The following AKR7A2 variants were observed in gnomAD, a reference collection of about 807,000 sequenced individuals.
AKR7A2 encodes the protein aldo-keto reductase family 7 member A2, also known as aflatoxin B1 aldehyde reductase member 2.
In AKR7A2, 29 loss-of-function variants were observed where a neutral mutation model predicts 37.3. The observed-to-expected ratio is 0.78, with a 90% CI of 0.58 to 1.06. The LOEUF (loss-of-function observed/expected upper bound fraction) is 1.06, where lower values mean the gene tolerates loss of function less well. Among genes scored for constraint, AKR7A2 ranks in the 50% least tolerant of loss-of-function variants. AKR7A2 has a pLI of 0.00. For missense variants in AKR7A2, 529 were observed against 497.9 expected (o/e 1.06, Z -0.59); for synonymous variants, 228 against 217.8 (o/e 1.05, Z -0.41).
In AKR7A2 at chr1:19,308,604, A is replaced by AT. The variant is rs2093766799; in HGVS notation, c.336dup (p.Ser113IlefsTer5). ...GACCGGACACTGTCAGGCTTTAGTG[A>AT]TTTTCCATCCCAAGGGTTGGCCTTG... is the stretch of plus-strand genomic sequence containing the variant. On this transcript the variant is annotated frameshift_variant, in exon 2 of 7. Transcript: ENST00000235835. LOFTEE classifies it high-confidence loss of function. The AT allele has an allele frequency of 6.2e-7, 1 of 1,613,948 alleles. No homozygotes were observed. Among genetic ancestry groups the AT allele is most frequent in the African/African-American group, 1.3e-5 (1 of 74,868 alleles).
intron 1 of AKR7A2, 61 bp from the exon 2 acceptor site, chr1:19,308,703 C>G: frequency 1.3e-6 from 2 of 1,512,262 alleles, no homozygotes; most frequent in South Asian, 2.3e-5. Context: ...CCATGTAACC[C>G]TGGCTAAATT....
Position 19,306,978 on chromosome 1 carries a change from TCACCAAGCC to T in AKR7A2, c.788+15_788+23del. ...AGATTTGACCCCACCCCAGCCATCC[TCACCAAGCC>T]CACCCCCGGCTCACCGATTCCTGTA... On this transcript the variant is annotated intron_variant, in intron 5 of 6. Transcript: ENST00000235835. The T allele has an allele frequency of 6.2e-7, 1 of 1,603,710 alleles. No individual in the cohort carries two copies. The highest frequency in any genetic ancestry group is 8.5e-7 in the Non-Finnish European group (1 of 1,171,072).
At position 19,304,317 on chromosome 1, in the gene AKR7A2, T is replaced by C. The variant is rs909977134; in HGVS notation, c.988A>G (p.Thr330Ala). The C allele has an allele frequency of 2.5e-6, 4 of 1,614,132 alleles. No homozygotes were observed. Among genetic ancestry groups the C allele is most frequent in the Admixed American group, 1.7e-5 (1 of 60,012 alleles). ...LEQLEQNLAATEEGPLEPAVV... is the reference protein window; with the variant it reads ...LEQLEQNLAAAEEGPLEPAVV... ...GCCGGCTCCAGGGGCCCTTCCTCTG[T>C]TGCTGCCAAGTTCTGCTCCAGCTGC... is the stretch of plus-strand genomic sequence containing the variant. Residue 330 changes from threonine to alanine, a missense_variant, in exon 7 of 7, where the codon ACA becomes GCA. By Grantham distance (58) the Thr-to-Ala change is moderately conservative. Transcript: ENST00000235835.
chr1:19,306,340 G>A (rs1454573088), intron 5 of AKR7A2, among the ~76,000 whole-genome samples, 193 bp from the exon 6 acceptor site: 1 of 152,180 alleles, frequency 6.6e-6, no homozygotes, highest in Non-Finnish European at 1.5e-5. Flanking sequence ...CCTCAGCAGA[G>A]ACCTCAATGG....
At chr1:19,307,549 A>C (rs777013594) in intron 3 of AKR7A2, 139 bp from the exon 4 acceptor site, 16 of 943,526 alleles carry the variant, frequency 1.7e-5, no homozygotes, top group Non-Finnish European at 2.5e-5. Context: ...TAGGGGATGG[A>C]GGGAAGGTGT....
intron 3 of AKR7A2, chr1:19,307,622 C>G (rs2093764130): frequency 1.6e-6 from 1 of 626,468 alleles, no homozygotes; most frequent in African/African-American, 1.8e-5. Flanking sequence ...GCTGTATGAA[C>G]TCCATGCTGG....
chr1:19,304,245 A>G lies in AKR7A2; in HGVS notation c.1060T>C (p.Cys354Arg). 2 of 1,614,164 alleles carry G rather than the reference A, an allele frequency of 1.2e-6. No individual in the cohort carries two copies. The highest frequency in any genetic ancestry group is 1.1e-5 in the South Asian group (1 of 91,084). ...NQAWHLVAHE[C>R]PNYFR ...TGGGCCTAGCGGAAGTAGTTGGGAC[A>G]TTCGTGAGCAACCAAATGCCAGGCT... The change falls in exon 7 of 7, where the codon TGT (cysteine) becomes CGT (arginine). Residue 354 changes from cysteine (C) to arginine (R), a missense_variant. By Grantham distance (180) the Cys-to-Arg change is radical. Coordinates refer to ENST00000235835, the MANE Select transcript of AKR7A2 (RefSeq NM_003689.4).
At chr1:19,305,912 G>T in intron 6 of AKR7A2, 106 bp downstream of exon 6, 1 of 1,590,340 alleles carries the variant, frequency 6.3e-7, no homozygotes, top group Non-Finnish European at 8.6e-7. Context: ...TTGGAAGAAA[G>T]AAAAATTTCA....
Position 19,308,517 on chromosome 1 carries a change from C to T in AKR7A2, c.424G>A (p.Ala142Thr), listed in dbSNP as rs1043657. ...CPQVDLFYLHAPDHGTPVEET... is the reference protein window; with the variant it reads ...CPQVDLFYLHTPDHGTPVEET... ...TCCACCGGGGTGCCGTGGTCAGGTG[C>T]GTGTAGGTAGAAGAGGTCCACTTGG... The change falls in exon 2 of 7, where the codon GCA (alanine) becomes ACA (threonine). Residue 142 changes from alanine (A) to threonine (T), a missense_variant. By Grantham distance (58) the Ala-to-Thr change is moderately conservative (BLOSUM62 0). Transcript: ENST00000235835. 126,145 of 1,614,088 alleles carry T rather than the reference C, an allele frequency of 0.078. 5,608 individuals are homozygous for T. Among genetic ancestry groups the T allele is most frequent in the Middle Eastern group, 0.1 (603 of 6,060 alleles).
At chr1:19,309,547 G>A (rs11808495) in intron 1 of AKR7A2, among the ~76,000 whole-genome samples, 28,225 of 152,112 alleles carry the variant, frequency 0.19, 2,793 homozygotes, top group Middle Eastern at 0.3. Context: ...GGGACACATC[G>A]CTATGACAAC....
chr1:19,310,524 C>A (rs1342065379), intron 1 of AKR7A2, among the ~76,000 whole-genome samples: 1 of 152,000 alleles, frequency 6.6e-6, no homozygotes, highest in Non-Finnish European at 1.5e-5. Context: ...ATGGTGAAAC[C>A]CCATCTCTAC....
At chr1:19,306,365 G>A (rs571320858) in intron 5 of AKR7A2, among the ~76,000 whole-genome samples, 1 of 152,302 alleles carries the variant, frequency 6.6e-6, no homozygotes, top group Admixed American at 6.5e-5. Flanking sequence ...TTACTCCTGA[G>A]GACTCAGTAG....
At position 19,306,095 on chromosome 1, in the gene AKR7A2, G is replaced by T; in HGVS notation, c.841C>A (p.Gln281Lys). The T allele has an allele frequency of 6.2e-7, 1 of 1,614,220 alleles. No homozygotes were observed. Among genetic ancestry groups the T allele is most frequent in the Non-Finnish European group, 8.5e-7 (1 of 1,180,010 alleles). ...EAIALVEKAL[Q>K]AAYGASAPSV... ...GGGGCGCTGGCGCCATATGCGGCCT[G>T]CAGGGCCTTCTCCACCAACGCAATG... Residue 281 changes from glutamine (Q) to lysine (K), a missense_variant, in exon 6 of 7, where the codon CAG becomes AAG. Coordinates refer to ENST00000235835, the MANE Select transcript of AKR7A2 (RefSeq NM_003689.4).
At chr1:19,307,263 C>T in intron 4 of AKR7A2, 51 bp downstream of exon 4, 1 of 1,610,814 alleles carries the variant, frequency 6.2e-7, no homozygotes, top group Non-Finnish European at 8.5e-7. Context: ...CTGGGCTGGG[C>T]ATCTGTGGGT....
In AKR7A2 at chr1:19,306,100, G is replaced by C. The variant is rs752144770; in HGVS notation, c.836C>G (p.Ala279Gly). ...GCTGGCGCCATATGCGGCCTGCAGG[G>C]CCTTCTCCACCAACGCAATGGCCTC... is the stretch of plus-strand genomic sequence containing the variant. ...HFEAIALVEK[A>G]LQAAYGASAP... is the part of the protein sequence containing the mutation. The change falls in exon 6 of 7, where the codon GCC (alanine) becomes GGC (glycine). Residue 279 changes from alanine to glycine, a missense_variant. Physicochemically the swap from Ala to Gly is moderately conservative, Grantham distance 60 (BLOSUM62 0). Coordinates refer to ENST00000235835, the MANE Select transcript of AKR7A2 (RefSeq NM_003689.4). The C allele has an allele frequency of 6.2e-7, 1 of 1,614,208 alleles. No individual in the cohort carries two copies. Among genetic ancestry groups the C allele is most frequent in the Non-Finnish European group, 8.5e-7 (1 of 1,180,016 alleles).
chr1:19,303,270 A>C (rs192744214), downstream of AKR7A2, among the ~76,000 whole-genome samples: 128 of 152,332 alleles, frequency 8.4e-4, no homozygotes, highest in Middle Eastern at 0.01. Context: ...CTGTCTCAAG[A>C]ACAAATAATA....
At chr1:19,308,132 T>C (rs778253368) in intron 3 of AKR7A2, 26 bp downstream of exon 3, 9 of 1,613,570 alleles carry the variant, frequency 5.6e-6, no homozygotes, top group African/African-American at 5.3e-5. Flanking sequence ...CCTGGAGACC[T>C]TGGCCTCTGC....
chr1:19,310,288 T>C (rs189186952), intron 1 of AKR7A2, among the ~76,000 whole-genome samples: 17 of 152,326 alleles, frequency 1.1e-4, no homozygotes, highest in African/African-American at 3.8e-4. Context: ...TGGCATGAAC[T>C]GTGCCTCAGG....
intron 6 of AKR7A2, among the ~76,000 whole-genome samples, chr1:19,305,813 A>C (rs898725361): frequency 6.6e-6 from 1 of 152,222 alleles, no homozygotes; most frequent in Non-Finnish European, 1.5e-5. Flanking sequence ...AAGCCTAAGG[A>C]ATAAGAAAAT....
Sources: gnomAD v4.1 joint callset for allele counts (sites outside exome capture counted in the v4.1 genomes callset) on GRCh38, gnomAD v4.1.1 for gene constraint, MANE v1.5 for transcripts, NCBI Gene and HGNC (gene_info 2026-07-23, HGNC 2026-07-21) for gene names.